Variants in DNAJC13 observed in about 807,000 individuals in gnomAD.
DNAJC13 encodes the protein dnaJ homolog subfamily C member 13.
Under a neutral mutation model 290.5 loss-of-function variants are expected in DNAJC13, and 75 were observed. The ratio of observed to expected loss-of-function variants is 0.26; its 90% CI spans 0.21 to 0.31. DNAJC13 has a LOEUF of 0.31. DNAJC13 is among the 10% of genes least tolerant of loss of function. DNAJC13 has a pLI of 1.00. For missense variants in DNAJC13, 2,260 were observed against 2,674.5 expected, an observed-to-expected ratio of 0.85 and a Z score of 3.42; for synonymous variants, 862 against 892.0, an observed-to-expected ratio of 0.97 and a Z score of 0.60.
intron 20 of DNAJC13, among the ~76,000 whole-genome samples, chr3:132,472,725 A>G (rs1262396569): frequency 6.6e-6 from 1 of 152,188 alleles, no homozygotes; most frequent in Non-Finnish European, 1.5e-5. Flanking sequence ...TTCAATTTGT[A>G]CTTGCTCCTC....
chr3:132,454,300 C>A, intron 9 of DNAJC13, 143 bp downstream of exon 9: 2 of 615,880 alleles, frequency 3.2e-6, no homozygotes, highest in African/African-American at 2.0e-5. Flanking sequence ...TTTAAAATGA[C>A]CCTCCCATTT....
chr3:132,482,959 A>C (rs1345949596), intron 27 of DNAJC13, among the ~76,000 whole-genome samples: 2 of 152,128 alleles, frequency 1.3e-5, no homozygotes, highest in African/African-American at 4.8e-5. Flanking sequence ...TCTAAAATTC[A>C]TTGAAAATTA....
At chr3:132,480,517 T>C (rs756951903) in intron 26 of DNAJC13, 47 bp downstream of exon 26, 1 of 1,382,170 alleles carries the variant, frequency 7.2e-7, no homozygotes, top group Non-Finnish European at 1.0e-6. Flanking sequence ...TCTTTGAGTA[T>C]AATTTTAGAG....
At chr3:132,525,833 T>A in intron 52 of DNAJC13, 44 bp downstream of exon 52, 1 of 1,583,792 alleles carries the variant, frequency 6.3e-7, no homozygotes, top group Non-Finnish European at 8.6e-7. Context: ...CCAGAATTTA[T>A]CTATGCTCCC....
intron 16 of DNAJC13, among the ~76,000 whole-genome samples, chr3:132,462,835 G>A (rs1469191137): frequency 6.6e-6 from 1 of 152,126 alleles, no homozygotes; most frequent in Non-Finnish European, 1.5e-5. Context: ...TGACAGTGTT[G>A]AAGTCTTGAG....
chr3:132,511,374 G>A, intron 44 of DNAJC13, 130 bp downstream of exon 44: 1 of 1,070,780 alleles, frequency 9.3e-7, no homozygotes, highest in Non-Finnish European at 1.3e-6. Context: ...TAACATTACA[G>A]GGAATTGACC....
At chr3:132,446,786 T>C (rs1358951325) in intron 3 of DNAJC13, among the ~76,000 whole-genome samples, 6 of 152,094 alleles carry the variant, frequency 3.9e-5, no homozygotes, top group African/African-American at 1.4e-4. Context: ...TTGATGTTAC[T>C]ATTAGTTGTG....
chr3:132,471,548 C>A (rs1464817469), intron 20 of DNAJC13, among the ~76,000 whole-genome samples: 1 of 137,766 alleles, frequency 7.3e-6, no homozygotes, highest in Non-Finnish European at 1.6e-5. Flanking sequence ...CGGGCAGAGA[C>A]GCTCCTCACC....
At position 132,523,065 on chromosome 3, in the gene DNAJC13, T is replaced by G. The variant is rs138557665; in HGVS notation, c.5843+68T>G. The G allele has an allele frequency of 3.1e-6, 5 of 1,600,504 alleles. No individual in the cohort carries two copies. In the African/African-American group the frequency reaches 6.7e-5, roughly 21 times the overall value. ...ATCACTGGGAAGGGCAAACATTTCT[T>G]ACTGTGCCCATCACCTCTAAAACTT... On this transcript the variant is annotated intron_variant, in intron 49 of 55. Coordinates refer to ENST00000260818, the MANE Select transcript of DNAJC13 (RefSeq NM_015268.4).
chr3:132,418,974 G>T (rs1938878113), intron 1 of DNAJC13, among the ~76,000 whole-genome samples: 1 of 152,170 alleles, frequency 6.6e-6, no homozygotes, highest in South Asian at 2.1e-4. Context: ...ACAGTTCTTT[G>T]ATTTTTGGAA....
chr3:132,499,668 G>A, intron 37 of DNAJC13, 66 bp from the exon 38 acceptor site: 2 of 1,311,768 alleles, frequency 1.5e-6, no homozygotes, highest in South Asian at 1.2e-5. Flanking sequence ...TTTTATTACT[G>A]CTAGAAAAGG....
chr3:132,496,240 G>T (rs1054739032), intron 35 of DNAJC13, among the ~76,000 whole-genome samples: 2 of 151,972 alleles, frequency 1.3e-5, no homozygotes, highest in Non-Finnish European at 2.9e-5. Flanking sequence ...TTATATAGAC[G>T]CAAACTCTCT....
intron 25 of DNAJC13, 107 bp from the exon 26 acceptor site, chr3:132,480,262 T>G (rs763555364): frequency 3.3e-6 from 2 of 600,984 alleles, no homozygotes; most frequent in African/African-American, 1.9e-5. Flanking sequence ...CATTCTTTTC[T>G]TCGAGGACCT....
In DNAJC13 at chr3:132,538,253, G is replaced by A; in HGVS notation, c.6703G>A (p.Glu2235Lys). 1.9e-6 allele frequency: 3 copies of A among 1,613,850 alleles called. No individual in the cohort carries two copies. Among genetic ancestry groups the A allele is most frequent in the Non-Finnish European group, 1.7e-6 (2 of 1,179,950 alleles). Residue 2235 changes from glutamate (E) to lysine (K), a missense_variant, in exon 56 of 56, where the codon GAG becomes AAG. Physicochemically the swap from Glu to Lys is moderately conservative, Grantham distance 56. Around this residue, in one of 3 missense-constraint regions of DNAJC13, gnomAD observed 1,494 missense variants for 1,693.7 expected, o/e 0.88. Transcript: ENST00000260818. ...TAACCTGCCACCTCCTGTAGACCATGAGGCAGGCGACCTTGGCTATCAGAC... is the reference window on the plus strand; with the variant it reads ...TAACCTGCCACCTCCTGTAGACCATAAGGCAGGCGACCTTGGCTATCAGAC... ...MSNLPPPVDHEAGDLGYQT is the reference protein window; with the variant it reads ...MSNLPPPVDHKAGDLGYQT
intron 20 of DNAJC13, among the ~76,000 whole-genome samples, chr3:132,472,195 A>G (rs992535870): frequency 2.0e-5 from 3 of 151,716 alleles, no homozygotes; most frequent in Admixed American, 2.0e-4. Context: ...AGTACAGTCC[A>G]GCTTCGGCTC....
At chr3:132,420,634 C>T (rs971499805) in intron 1 of DNAJC13, among the ~76,000 whole-genome samples, 4 of 151,922 alleles carry the variant, frequency 2.6e-5, no homozygotes, top group Non-Finnish European at 1.5e-5. Flanking sequence ...CAAGATTATG[C>T]AAAGAGGCAC....
Position 132,488,429 on chromosome 3 carries a change from T to C in DNAJC13, c.3399T>C (p.Gly1133=). The part of the protein sequence containing the change: ...GVFFFIMMYT[G]SNVLPVARFL... The stretch of plus-strand genomic sequence containing the variant: ...TTTTCTTTATCATGATGTACACAGG[T>C]TCCAATGTGCTTCCTGTTGCTCGGT... Residue 1133 remains glycine, a synonymous_variant, in exon 30 of 56, where the codon GGT becomes GGC. Coordinates refer to ENST00000260818, the MANE Select transcript of DNAJC13 (RefSeq NM_015268.4). The C allele has an allele frequency of 6.2e-7, 1 of 1,611,298 alleles. No homozygotes were observed. The highest frequency in any genetic ancestry group is 8.5e-7 in the Non-Finnish European group (1 of 1,178,866).
At chr3:132,485,925 A>G (rs73215998) in intron 29 of DNAJC13, among the ~76,000 whole-genome samples, 7,890 of 152,250 alleles carry the variant, frequency 0.052, 410 homozygotes, top group African/African-American at 0.14. Context: ...TATGCCAGTG[A>G]CTTGTGCCAT....
rs1933971746 is a variant in DNAJC13, at chr3:132,466,129, ATCTG to A, written c.1968+61_1968+64del. 3.4e-6 allele frequency: 5 copies of A among 1,476,772 alleles called. No individual in the cohort carries two copies. In the African/African-American group the frequency reaches 7.0e-5, roughly 21 times the overall value. The allele number at this position is 1,476,772 out of a possible 1,614,324, so 91.5% of individuals were successfully genotyped here. On this transcript the variant is annotated intron_variant, in intron 18 of 55. Coordinates refer to ENST00000260818, the MANE Select transcript of DNAJC13 (RefSeq NM_015268.4). ...CTAATAAAATTTAATTGAACAAGTTATCTGTACTGTTAAAAGGGGATGGTTTGTT... is the reference window on the plus strand; with the variant it reads ...CTAATAAAATTTAATTGAACAAGTTATACTGTTAAAAGGGGATGGTTTGTT...
Sources: gnomAD v4.1 joint callset for allele counts (sites outside exome capture counted in the v4.1 genomes callset) on GRCh38, gnomAD v4.1.1 for gene constraint, gnomAD v4.1.1 regional missense constraint, MANE v1.5 for transcripts, NCBI Gene and HGNC (gene_info 2026-07-23, HGNC 2026-07-21) for gene names.